LRRFIP1: variants seen among roughly 807,000 people sequenced by gnomAD.
LRRFIP1 encodes the protein LRR binding FLII interacting protein 1.
Under a neutral mutation model 104.4 loss-of-function variants are expected in LRRFIP1, and 62 were observed. That is an observed-to-expected ratio of 0.59 (90% CI 0.48 to 0.73). The LOEUF (loss-of-function observed/expected upper bound fraction) is 0.73. Ranked by LOEUF, LRRFIP1 falls within the 30% of genes least tolerant of loss-of-function variation. The pLI is 0.00. For synonymous variants in LRRFIP1, 300 were observed against 299.0 expected (o/e 1.00, Z -0.03); for missense variants, 796 against 824.5 (o/e 0.97, Z 0.42).
At chr2:237,746,084 A>G (rs1433093103) in intron 11 of LRRFIP1, among the ~76,000 whole-genome samples, 3 of 147,262 alleles carry the variant, frequency 2.0e-5, no homozygotes, top group Admixed American at 6.8e-5. Flanking sequence ...TTTGAGACAG[A>G]GTTACACTCT....
intron 1 of LRRFIP1, among the ~76,000 whole-genome samples, chr2:237,648,455 C>T (rs996144571): frequency 9.2e-5 from 14 of 151,788 alleles, no homozygotes; most frequent in African/African-American, 3.4e-4. Context: ...GGCCAGGTGC[C>T]GTTGGCTCCT....
chr2:237,762,476 G>A (rs2059972863), intron 19 of LRRFIP1: 7 of 780,074 alleles, frequency 9.0e-6, no homozygotes, highest in Non-Finnish European at 1.4e-5. Flanking sequence ...TGTTTCTCAT[G>A]ACTCTTTGAT....
chr2:237,773,357 G>A (rs1356536079), intron 22 of LRRFIP1, among the ~76,000 whole-genome samples: 2 of 152,126 alleles, frequency 1.3e-5, no homozygotes, highest in Non-Finnish European at 2.9e-5. Context: ...GGCCAACATA[G>A]TGAAACCCCG....
chr2:237,751,107 C>T (rs368355234), intron 13 of LRRFIP1, 93 bp from the exon 14 acceptor site: 5 of 795,062 alleles, frequency 6.3e-6, no homozygotes, highest in Admixed American at 3.0e-5. Flanking sequence ...GGTGCTCAGA[C>T]TACCCAAATA....
Position 237,658,790 on chromosome 2 carries a change from A to G in LRRFIP1, c.96+31050A>G, listed in dbSNP as rs544029251. On this transcript the variant is annotated intron_variant, in intron 1 of 23. Transcript: ENST00000308482. ...TGCGGGGAACTGCCCTCCTGTTTCA[A>G]TTACCACCACCTGGTCTCTCCTTTG... Among the ~76,000 whole-genome samples the G allele has an allele frequency of 3.9e-5, 6 of 152,290 alleles. No individual in the cohort carries two copies. The East Asian group carries it at 9.6e-4, about 24-fold the overall frequency.
chr2:237,705,406 A>G (rs2093754067), intron 1 of LRRFIP1, among the ~76,000 whole-genome samples: 1 of 152,172 alleles, frequency 6.6e-6, no homozygotes, highest in Admixed American at 6.5e-5. Flanking sequence ...TCATGCTGGT[A>G]ATCCCAGCAC....
chr2:237,718,734 A>G (rs2094434026), intron 4 of LRRFIP1, among the ~76,000 whole-genome samples: 1 of 152,196 alleles, frequency 6.6e-6, no homozygotes, highest in Admixed American at 6.5e-5. Flanking sequence ...GAAAATCCAA[A>G]ATTATTTCCT....
chr2:237,741,135 C>T (rs1321223408), intron 11 of LRRFIP1, among the ~76,000 whole-genome samples: 3 of 152,194 alleles, frequency 2.0e-5, no homozygotes, highest in Admixed American at 6.5e-5. Context: ...GCAGGGAGTG[C>T]GAGGCGGCAG....
chr2:237,763,167 A>G (rs1252074367), intron 19 of LRRFIP1: 3 of 1,614,222 alleles, frequency 1.9e-6, no homozygotes, highest in Non-Finnish European at 1.7e-6. Context: ...GCTGAGCCCA[A>G]GGAGGTTCCA....
chr2:237,679,761 A>G (rs2091593944), intron 1 of LRRFIP1, among the ~76,000 whole-genome samples: 1 of 152,130 alleles, frequency 6.6e-6, no homozygotes, highest in African/African-American at 2.4e-5. Context: ...GGTATGCACC[A>G]CCACGCCCAG....
chr2:237,665,376 T>G (rs1467940426), intron 1 of LRRFIP1, among the ~76,000 whole-genome samples: 3 of 152,240 alleles, frequency 2.0e-5, no homozygotes, highest in African/African-American at 7.2e-5. Context: ...TAATCTATAA[T>G]CTGTGAAACA....
chr2:237,657,846 C>T lies in LRRFIP1; in HGVS notation c.96+30106C>T, dbSNP rs548831173. 9.9e-5 allele frequency among the ~76,000 whole-genome samples: 15 copies of T among 152,284 alleles called. No individual in the cohort carries two copies. The East Asian group carries it at 2.3e-3, about 24-fold the overall frequency. ...ATTGTTCCATGGAATCACTGAGATCCTTTATGAACCTGTAGGCTCAAGCCA... is the reference window on the plus strand; with the variant it reads ...ATTGTTCCATGGAATCACTGAGATCTTTTATGAACCTGTAGGCTCAAGCCA... On this transcript the variant is annotated intron_variant, in intron 1 of 23. Transcript: ENST00000308482.
In LRRFIP1 at chr2:237,739,329, T is replaced by C. The variant is rs1193025489; in HGVS notation, c.633+20T>C. The stretch of plus-strand genomic sequence containing the variant: ...CCTGTGGTAAGTCGGCCTCCTGGCC[T>C]TGCTCCTACTCAGTGTCACCCTCCC... On this transcript the variant is annotated intron_variant, in intron 11 of 23. Coordinates refer to ENST00000308482, the MANE Select transcript of LRRFIP1 (RefSeq NM_001137550.2). 8 of 1,546,108 alleles carry C rather than the reference T, an allele frequency of 5.2e-6. No homozygotes were observed. The Admixed American group carries it at 1.2e-4, about 23-fold the overall frequency.
At chr2:237,719,940 C>CTTTTTTTTTTTTTTTTTTTTTTTTTT (rs57355213) in intron 5 of LRRFIP1, among the ~76,000 whole-genome samples, 1 of 103,974 alleles carries the variant, frequency 9.6e-6, no homozygotes, top group Non-Finnish European at 1.9e-5. Flanking sequence ...GATGAAATTA[C>CTTTTTTTTTTTTTTTTTTTTTTTTTT]TTTTTTTTTT....
At chr2:237,718,958 C>G (rs1464223165) in intron 4 of LRRFIP1, among the ~76,000 whole-genome samples, 1 of 152,078 alleles carries the variant, frequency 6.6e-6, no homozygotes, top group Non-Finnish European at 1.5e-5. Context: ...TTTAAAAAAT[C>G]TTTACACATT....
intron 20 of LRRFIP1, 193 bp downstream of exon 20, chr2:237,770,185 C>T (rs1425716348): frequency 1.7e-6 from 1 of 576,476 alleles, no homozygotes; most frequent in African/African-American, 1.9e-5. Flanking sequence ...AAGAGAACAT[C>T]CTGAGTCATA....
chr2:237,762,632 G>A (rs968031408), intron 19 of LRRFIP1: 1 of 1,607,934 alleles, frequency 6.2e-7, no homozygotes, highest in Non-Finnish European at 8.5e-7. Context: ...GGTGAAAAAT[G>A]AAATCGTGGC....
intron 11 of LRRFIP1, among the ~76,000 whole-genome samples, 191 bp from the exon 12 acceptor site, chr2:237,748,173 G>C (rs559487955): frequency 1.3e-5 from 2 of 152,344 alleles, no homozygotes; most frequent in African/African-American, 4.8e-5. Context: ...GACAAGAGAA[G>C]AAGGGGCCTC....
At chr2:237,639,516 G>A (rs2083593667) in intron 1 of LRRFIP1, among the ~76,000 whole-genome samples, 1 of 152,122 alleles carries the variant, frequency 6.6e-6, no homozygotes. Flanking sequence ...CCTAGCCTTG[G>A]TGCCCAGGTC....
Sources: gnomAD v4.1 joint callset for allele counts (sites outside exome capture counted in the v4.1 genomes callset) on GRCh38, gnomAD v4.1.1 for gene constraint, MANE v1.5 for transcripts, NCBI Gene and HGNC (gene_info 2026-07-23, HGNC 2026-07-21) for gene names.